Variants in ZFAT observed in about 807,000 individuals in gnomAD.
ZFAT encodes zinc finger protein ZFAT.
In ZFAT, 64 loss-of-function variants were observed where a neutral mutation model predicts 117.7. The observed-to-expected ratio is 0.54, with a 90% CI of 0.44 to 0.67. The LOEUF is 0.67. ZFAT is among the 30% of genes least tolerant of loss of function. The pLI, the probability that ZFAT is intolerant of heterozygous loss-of-function variation, is 0.00. For missense variants in ZFAT, 1,433 were observed against 1,584.5 expected, an observed-to-expected ratio of 0.90 and a Z score of 1.62; for synonymous variants, 679 against 615.0, an observed-to-expected ratio of 1.10 and a Z score of -1.54.
intron 3 of ZFAT, among the ~76,000 whole-genome samples, chr8:134,619,757 G>A (rs555017982): frequency 3.9e-5 from 6 of 152,086 alleles, no homozygotes; most frequent in South Asian, 2.1e-4. Context: ...CACATGCCAC[G>A]GTCTCCCTCA....
chr8:134,719,234 A>G, the ZFAT span, among the ~76,000 whole-genome samples: 4 of 152,188 alleles, frequency 2.6e-5, no homozygotes, highest in Admixed American at 1.3e-4. Context: ...TGGAAGCCCA[A>G]TCTCCAGGTC....
chr8:134,725,669 G>A, the ZFAT span, among the ~76,000 whole-genome samples: 60 of 152,118 alleles, frequency 3.9e-4, no homozygotes, highest in South Asian at 3.7e-3. Context: ...TGGGGACACA[G>A]AGCCAAACTG....
At chr8:134,617,048 A>G (rs1828800243) in intron 3 of ZFAT, among the ~76,000 whole-genome samples, 1 of 152,176 alleles carries the variant, frequency 6.6e-6, no homozygotes, top group Non-Finnish European at 1.5e-5. Context: ...AGACTCTCTC[A>G]ACCACACACC....
intron 1 of ZFAT, among the ~76,000 whole-genome samples, chr8:134,697,648 A>C (rs1833903020): frequency 6.6e-6 from 1 of 150,810 alleles, no homozygotes; most frequent in Admixed American, 6.6e-5. Context: ...AATGGCGTGA[A>C]CCCGGAAGGC....
At chr8:134,626,471 G>A (rs57324396) in intron 3 of ZFAT, among the ~76,000 whole-genome samples, 5,062 of 152,272 alleles carry the variant, frequency 0.033, 307 homozygotes, top group African/African-American at 0.12. Context: ...CCCAGTGGTC[G>A]AATCAGAGCA....
the ZFAT span, chr8:134,792,914 ATTACT>A: frequency 6.6e-6 from 1 of 152,162 alleles, no homozygotes; most frequent in South Asian, 2.1e-4. Context: ...CAGTCACTTT[ATTACT>A]TTATTTTCTT....
intron 1 of ZFAT, among the ~76,000 whole-genome samples, chr8:134,686,463 T>C (rs567881763): frequency 5.5e-4 from 84 of 152,332 alleles, no homozygotes; most frequent in African/African-American, 2.0e-3. Flanking sequence ...CACTAAGCTG[T>C]TTATCCTATG....
Position 134,541,708 on chromosome 8 carries a change from G to A in ZFAT, c.2977-8736C>T, listed in dbSNP as rs191961308. On this transcript the variant is annotated intron_variant, in intron 11 of 15. Coordinates refer to ENST00000377838, the MANE Select transcript of ZFAT (RefSeq NM_020863.4). ...TGTCTGAGTTTGAGGAATGACAATC[G>A]CAGGATCAATCAACCATGATCCACT... Among the ~76,000 whole-genome samples the A allele has an allele frequency of 1.4e-3, 206 of 152,324 alleles. 1 individual carries two copies. The highest frequency in any genetic ancestry group is 0.012 in the Admixed American group (183 of 15,308).
chr8:134,691,392 C>G (rs1833578597), intron 1 of ZFAT, among the ~76,000 whole-genome samples: 1 of 152,268 alleles, frequency 6.6e-6, no homozygotes, highest in South Asian at 2.1e-4. Context: ...GCAGCGGGCG[C>G]CTCCACGGAC....
chr8:134,696,595 C>T (rs535696423), intron 1 of ZFAT: 28 of 986,338 alleles, frequency 2.8e-5, no homozygotes, highest in South Asian at 1.4e-4. Flanking sequence ...CCCTGGCTGG[C>T]ACCACCCACC....
chr8:134,692,282 C>T (rs549648260), intron 1 of ZFAT, among the ~76,000 whole-genome samples: 2 of 152,308 alleles, frequency 1.3e-5, no homozygotes, highest in Admixed American at 1.3e-4. Flanking sequence ...GACTCTTCAT[C>T]TATAAAATGG....
intron 1 of ZFAT, among the ~76,000 whole-genome samples, chr8:134,697,547 G>A (rs1254023644): frequency 1.3e-5 from 2 of 150,206 alleles, no homozygotes; most frequent in Non-Finnish European, 3.0e-5. Flanking sequence ...CTAACACGGC[G>A]AAACCCCGTC....
chr8:134,803,596 C>G, the ZFAT span, among the ~76,000 whole-genome samples: 3 of 152,132 alleles, frequency 2.0e-5, no homozygotes, highest in African/African-American at 7.2e-5. Context: ...AACTACTACT[C>G]TAACAAAAGA....
intron 13 of ZFAT, among the ~76,000 whole-genome samples, chr8:134,513,372 A>G (rs1396658930): frequency 6.6e-6 from 1 of 151,980 alleles, no homozygotes. Flanking sequence ...TAATTTTTGT[A>G]TTTTTAGTAT....
chr8:134,607,395 A>T (rs1222098029), intron 5 of ZFAT, among the ~76,000 whole-genome samples: 1 of 152,270 alleles, frequency 6.6e-6, no homozygotes, highest in Non-Finnish European at 1.5e-5. Context: ...AGAGCACTAC[A>T]TGTGCCAGGC....
intron 14 of ZFAT, chr8:134,509,964 C>G (rs138111252): frequency 1.7e-6 from 1 of 598,704 alleles, no homozygotes; most frequent in Non-Finnish European, 3.0e-6. Flanking sequence ...CCCAAGCAAC[C>G]CTGTGAGGAT....
At chr8:134,547,648 C>A (rs1822798312) in intron 11 of ZFAT, among the ~76,000 whole-genome samples, 3 of 152,258 alleles carry the variant, frequency 2.0e-5, no homozygotes, top group African/African-American at 7.2e-5. Flanking sequence ...TTACAGGAAT[C>A]TCCACTGAGG....
rs73367190 is a variant in ZFAT, at chr8:134,621,774, A to G, written c.449-11119T>C. 1.5e-3 allele frequency among the ~76,000 whole-genome samples: 236 copies of G among 152,342 alleles called. 2 individuals are homozygous for G. Among genetic ancestry groups the G allele is most frequent in the African/African-American group, 5.5e-3 (227 of 41,582 alleles). On this transcript the variant is annotated intron_variant, in intron 3 of 15. Coordinates refer to ENST00000377838, the MANE Select transcript of ZFAT (RefSeq NM_020863.4). Reference sequence around the variant, plus strand: ...CTGTCCTCAGTATTCTTCTAGTCCCAGCCACTAAGCAACTCTGAAGAGCCC... The same window carrying G: ...CTGTCCTCAGTATTCTTCTAGTCCCGGCCACTAAGCAACTCTGAAGAGCCC...
intron 11 of ZFAT, among the ~76,000 whole-genome samples, chr8:134,561,427 T>C (rs1358642624): frequency 6.6e-6 from 1 of 151,642 alleles, no homozygotes; most frequent in Admixed American, 6.6e-5. Context: ...CCGATTTCCA[T>C]CAAAAAGAAA....
Sources: allele counts gnomAD v4.1 joint callset (sites outside exome capture counted in the v4.1 genomes callset), GRCh38; gene constraint gnomAD v4.1.1; transcripts MANE v1.5; gene names NCBI Gene and HGNC (gene_info 2026-07-23, HGNC 2026-07-21).